Variants in ORM1 observed in about 807,000 individuals in gnomAD.
The protein encoded by ORM1 is orosomucoid 1, also known as alpha-1-acid glycoprotein 1.
Under a neutral mutation model 26.9 loss-of-function variants are expected in ORM1, and 13 were observed. The observed-to-expected ratio is 0.48, with a 90% CI of 0.31 to 0.77. The LOEUF is 0.77. ORM1 is among the 30% of genes least tolerant of loss of function. The pLI is 0.04. For synonymous variants in ORM1, 76 were observed against 102.2 expected (o/e 0.74, Z 1.55); for missense variants, 189 against 246.8 (o/e 0.77, Z 1.57).
In ORM1 at chr9:114,323,999, G is replaced by A. The variant is rs369325330; in HGVS notation, c.258-19G>A. On this transcript the variant is annotated intron_variant, in intron 2 of 5. Transcript: ENST00000259396. ...TCAATAATCTTCCTGTTTTCCTTCC[G>A]CCTTCTGTTTGGCTTTAGACAGGAC... is the stretch of plus-strand genomic sequence containing the variant. 238 of 1,613,436 alleles carry A rather than the reference G, an allele frequency of 1.5e-4. No homozygotes were observed. In the African/African-American group the frequency reaches 2.5e-3, roughly 17 times the overall value.
intron 1 of ORM1, 36 bp downstream of exon 1, chr9:114,323,283 G>C (rs761903972): frequency 5.6e-6 from 9 of 1,612,642 alleles, no homozygotes; most frequent in South Asian, 3.3e-5. Flanking sequence ...TGAGCACATG[G>C]GCAGCTGCCT....
chr9:114,325,522 G>T (rs1447948018), intron 5 of ORM1, among the ~76,000 whole-genome samples: 2 of 151,720 alleles, frequency 1.3e-5, no homozygotes, highest in African/African-American at 4.8e-5. Flanking sequence ...TTTAATACCC[G>T]TGCAGTGGGG....
intron 3 of ORM1, among the ~76,000 whole-genome samples, chr9:114,324,295 G>A (rs553198917): frequency 2.0e-5 from 3 of 152,174 alleles, no homozygotes; most frequent in African/African-American, 7.2e-5. Flanking sequence ...ACCTCAAATA[G>A]TTTCCCCAAG....
intron 5 of ORM1, 130 bp downstream of exon 5, chr9:114,325,282 C>A: frequency 1.3e-6 from 1 of 772,872 alleles, no homozygotes. Context: ...TAGGCACCTG[C>A]CTCACTGTAG....
intron 2 of ORM1, 72 bp from the exon 3 acceptor site, chr9:114,323,946 A>G (rs1111796): frequency 0.6 from 956,266 of 1,588,334 alleles, 276,230 homozygotes; most frequent in East Asian, 0.86. Context: ...CTCTTGCCCC[A>G]GGACTGTGAT....
intron 3 of ORM1, 78 bp from the exon 4 acceptor site, chr9:114,324,712 C>A: frequency 1.7e-6 from 2 of 1,205,978 alleles, no homozygotes; most frequent in Non-Finnish European, 2.4e-6. Context: ...CACTGACACA[C>A]CTAGGCCTCC....
intron 3 of ORM1, 22 bp from the exon 4 acceptor site, chr9:114,324,768 A>G (rs1437483686): frequency 6.3e-7 from 1 of 1,591,242 alleles, no homozygotes; most frequent in South Asian, 1.1e-5. Flanking sequence ...GTTCTCACCC[A>G]GAGGCTCCTT....
At chr9:114,324,733 G>C in intron 3 of ORM1, 57 bp from the exon 4 acceptor site, 8 of 1,415,456 alleles carry the variant, frequency 5.7e-6, no homozygotes, top group Non-Finnish European at 8.0e-6. Context: ...TCACCTGTAA[G>C]ACAGACACCA....
Position 114,326,453 on chromosome 9 carries a change from T to G in ORM1, c.*96T>G. ...CAGCTTTTTCCCTCACTTGCATCAA[T>G]AAAGCTTCTGTGTTTGGAACAGCTA... On this transcript the variant is annotated 3_prime_UTR_variant, in exon 6 of 6. Transcript: ENST00000259396. 1.2e-6 allele frequency: 1 copy of G among 838,878 alleles called. No individual in the cohort carries two copies. The highest frequency in any genetic ancestry group is 1.9e-6 in the Non-Finnish European group (1 of 535,534). The allele number at this position is 838,878 out of a possible 1,614,324, so 52.0% of individuals were successfully genotyped here.
Position 114,323,725 on chromosome 9 carries a change from T to C in ORM1, c.177T>C (p.Val59=), listed in dbSNP as rs1428526596. 6.2e-7 allele frequency: 1 copy of C among 1,613,868 alleles called. No homozygotes were observed. Among genetic ancestry groups the C allele is most frequent in the African/African-American group, 1.3e-5 (1 of 74,936 alleles). The stretch of plus-strand genomic sequence containing the variant: ...GAAACGAGGAGTACAATAAGTCGGT[T>C]CAGGAGATCCAAGCAACCTTCTTTT... ...AFRNEEYNKS[V]QEIQATFFYF... is the part of the protein sequence containing the mutation. The change falls in exon 2 of 6, where the codon GTT becomes GTC. Residue 59 remains valine (V), a synonymous_variant. Transcript: ENST00000259396.
chr9:114,325,360 A>G, intron 5 of ORM1: 1 of 488,092 alleles, frequency 2.0e-6, no homozygotes, highest in African/African-American at 1.9e-5. Context: ...GTCCCTGTGA[A>G]ACCAGGGAGG....
rs1364169990 is a variant in ORM1, at chr9:114,324,990, C to T, written c.437-59C>T. ...GGCTGGCCCCTAGAACCCCAGCCCT[C>T]CCTGGCCTCCCGCCGGGCCCCACCA... On this transcript the variant is annotated intron_variant, in intron 4 of 5. Transcript: ENST00000259396. 12 of 1,594,242 alleles carry T rather than the reference C, an allele frequency of 7.5e-6. No homozygotes were observed. The South Asian group carries it at 1.1e-4, about 15-fold the overall frequency.
At chr9:114,324,307 T>C (rs913821897) in intron 3 of ORM1, among the ~76,000 whole-genome samples, 2 of 152,148 alleles carry the variant, frequency 1.3e-5, no homozygotes, top group African/African-American at 4.8e-5. Flanking sequence ...TTCCCCAAGG[T>C]CACACAGCTT....
rs10982157 is a variant in ORM1 at position 114,325,841 on chromosome 9, G to A, written c.541-451G>A. ...TGTGAACTACCTCCTGCCCCCATCT[G>A]CAGTCCCAGGATCCTGGGACAGGGC... On this transcript the variant is annotated intron_variant, in intron 5 of 5. Transcript: ENST00000259396. Among the ~76,000 whole-genome samples, 223 of 151,884 alleles carry A rather than the reference G, an allele frequency of 1.5e-3. No homozygotes were observed. In the East Asian group the frequency reaches 0.04, roughly 27 times the overall value.
chr9:114,324,136 G>A, intron 3 of ORM1, 48 bp downstream of exon 3: 1 of 1,562,432 alleles, frequency 6.4e-7, no homozygotes. Context: ...GAACAGGGCA[G>A]GCCAGCATAA....
Position 114,324,295 on chromosome 9 carries a change from G to C in ORM1, c.328+207G>C, listed in dbSNP as rs553198917. 4.0e-3 allele frequency among the ~76,000 whole-genome samples: 614 copies of C among 152,260 alleles called. 1 individual carries two copies. The highest frequency in any genetic ancestry group is 0.014 in the African/African-American group (568 of 41,536). Reference sequence around the variant, plus strand: ...AAAAGAAGAACAGAGACCTCAAATAGTTTCCCCAAGGTCACACAGCTTATA... The same window carrying C: ...AAAAGAAGAACAGAGACCTCAAATACTTTCCCCAAGGTCACACAGCTTATA... On this transcript the variant is annotated intron_variant, in intron 3 of 5. Transcript: ENST00000259396.
intron 2 of ORM1, 70 bp from the exon 3 acceptor site, chr9:114,323,948 G>T (rs1448614167): frequency 1.9e-6 from 3 of 1,599,170 alleles, no homozygotes; most frequent in African/African-American, 2.7e-5. Flanking sequence ...CTTGCCCCAG[G>T]ACTGTGATGG....
chr9:114,325,174 G>C, intron 5 of ORM1, 22 bp downstream of exon 5: 1 of 1,607,444 alleles, frequency 6.2e-7, no homozygotes, highest in Non-Finnish European at 8.5e-7. Flanking sequence ...GGATTGGACA[G>C]TGCCCACCTT....
chr9:114,325,501 C>T (rs1829755765), intron 5 of ORM1, among the ~76,000 whole-genome samples: 1 of 151,566 alleles, frequency 6.6e-6, no homozygotes, highest in Admixed American at 6.6e-5. Flanking sequence ...CACCTCCACT[C>T]CCCACTCATT....
Sources: gnomAD v4.1 joint callset for allele counts (sites outside exome capture counted in the v4.1 genomes callset) on GRCh38, gnomAD v4.1.1 for gene constraint, MANE v1.5 for transcripts, NCBI Gene and HGNC (gene_info 2026-07-23, HGNC 2026-07-21) for gene names.